BAG4: variants seen among roughly 807,000 people sequenced by gnomAD.
BAG4 encodes BAG family molecular chaperone regulator 4.
A neutral mutation model predicts 52.1 loss-of-function variants in BAG4; 28 were observed. That is an observed-to-expected ratio of 0.54 (90% CI 0.40 to 0.74). BAG4 has a LOEUF of 0.74. Among genes scored for constraint, BAG4 ranks in the 30% least tolerant of loss-of-function variants. The pLI, the probability that BAG4 is intolerant of heterozygous loss-of-function variation, is 0.00. For synonymous variants in BAG4, 208 were observed against 217.0 expected (o/e 0.96, Z 0.37); for missense variants, 525 against 572.0 (o/e 0.92, Z 0.84).
At chr8:38,192,853 A>T in intron 2 of BAG4, 58 bp downstream of exon 2, 1 of 1,361,264 alleles carries the variant, frequency 7.3e-7, no homozygotes. Context: ...ATTTATTTTC[A>T]AAACCTGTGC....
chr8:38,180,484 C>G (rs1250840660), intron 1 of BAG4, among the ~76,000 whole-genome samples: 2 of 137,838 alleles, frequency 1.5e-5, no homozygotes, highest in Non-Finnish European at 1.5e-5. Flanking sequence ...GATCATGCCA[C>G]TGCACCCCAG....
intron 1 of BAG4, among the ~76,000 whole-genome samples, chr8:38,189,559 T>C (rs557038810): frequency 2.0e-5 from 3 of 152,350 alleles, no homozygotes; most frequent in East Asian, 3.9e-4. Context: ...TATTTCTTGC[T>C]CAGGTTCTGT....
chr8:38,178,901 G>A (rs770292220), intron 1 of BAG4, among the ~76,000 whole-genome samples: 14 of 152,146 alleles, frequency 9.2e-5, no homozygotes, highest in Non-Finnish European at 1.5e-4. Flanking sequence ...TTGAGTTGCC[G>A]AGGCTGGAGG....
chr8:38,204,505 G>A (rs1227934702), intron 2 of BAG4, among the ~76,000 whole-genome samples: 1 of 151,282 alleles, frequency 6.6e-6, no homozygotes, highest in African/African-American at 2.4e-5. Flanking sequence ...GGTGTCTTGG[G>A]GAGAAAAAAA....
chr8:38,210,574 T>G lies in BAG4; in HGVS notation c.*81T>G. The G allele has an allele frequency of 6.8e-7, 1 of 1,464,524 alleles. No individual in the cohort carries two copies. The highest frequency in any genetic ancestry group is 2.4e-5 in the Admixed American group (1 of 41,022). 90.7% of individuals were successfully genotyped at this position (1,464,524 alleles called of 1,614,324 possible). ...TTGGTTAATTACCCTCTTTTTGAAA[T>G]GCCTGTTGATGACAAGAAGCAATAC... On this transcript the variant is annotated 3_prime_UTR_variant, in exon 5 of 5. Coordinates refer to ENST00000287322, the MANE Select transcript of BAG4 (RefSeq NM_004874.4).
At chr8:38,201,544 C>G (rs1225989912) in intron 2 of BAG4, among the ~76,000 whole-genome samples, 1 of 151,936 alleles carries the variant, frequency 6.6e-6, no homozygotes, top group South Asian at 2.1e-4. Context: ...CTCAGGTGAT[C>G]CTTCTACCTC....
At chr8:38,181,064 C>T (rs988967921) in intron 1 of BAG4, among the ~76,000 whole-genome samples, 1 of 151,886 alleles carries the variant, frequency 6.6e-6, no homozygotes, top group Admixed American at 6.6e-5. Context: ...CCTCAGCCTC[C>T]CGAGTAGCTG....
chr8:38,190,092 G>GT (rs1303804026), intron 1 of BAG4, among the ~76,000 whole-genome samples: 1 of 152,048 alleles, frequency 6.6e-6, no homozygotes, highest in Non-Finnish European at 1.5e-5. Context: ...GCCAAATTAT[G>GT]TTTTTTACTT....
At chr8:38,209,624 C>G (rs925798540) in intron 4 of BAG4, 4 of 365,236 alleles carry the variant, frequency 1.1e-5, no homozygotes, top group African/African-American at 8.4e-5. Flanking sequence ...GTATTTAAAC[C>G]ACAGACTTGA....
chr8:38,199,307 A>G (rs1413371630), intron 2 of BAG4, among the ~76,000 whole-genome samples: 1 of 152,210 alleles, frequency 6.6e-6, no homozygotes, highest in East Asian at 1.9e-4. Context: ...TGACTGAAAC[A>G]TAGTTATGCA....
chr8:38,211,950 C>G lies in BAG4; in HGVS notation c.*1457C>G, dbSNP rs530862761. On this transcript the variant is annotated 3_prime_UTR_variant, in exon 5 of 5. Transcript: ENST00000287322. ...AAGTGATAATTTTTTTTCCCCTAGACTGTCAGGCCTATGAGTAAATACTAA... is the reference window on the plus strand; with the variant it reads ...AAGTGATAATTTTTTTTCCCCTAGAGTGTCAGGCCTATGAGTAAATACTAA... 11 of 152,140 alleles carry G rather than the reference C, an allele frequency of 7.2e-5. No individual in the cohort carries two copies. In the South Asian group the frequency reaches 2.3e-3, roughly 32 times the overall value. The allele number at this position is 152,140 out of a possible 1,614,324, so 9.4% of individuals were successfully genotyped here. A position where few individuals can be genotyped will look rare whatever the true frequency, so the allele number is the denominator to read the frequency against.
intron 2 of BAG4, among the ~76,000 whole-genome samples, chr8:38,197,967 C>G (rs920219589): frequency 6.6e-6 from 1 of 151,954 alleles, no homozygotes; most frequent in Non-Finnish European, 1.5e-5. Context: ...CCCAAAGTGC[C>G]GGGATTATAG....
rs1803822333 is a variant in BAG4 at position 38,208,991 on chromosome 8, ATATT to A, written c.634-20_634-17del. ...TTATAAGTTTTTCACAATGACTGGT[ATATT>A]TCTTCTTCTCAATCTAGAACCCTGG... On this transcript the variant is annotated intron_variant, in intron 3 of 4. Transcript: ENST00000287322. The A allele has an allele frequency of 6.3e-7, 1 of 1,599,938 alleles. No homozygotes were observed. Among genetic ancestry groups the A allele is most frequent in the African/African-American group, 1.3e-5 (1 of 74,316 alleles).
chr8:38,203,525 C>T (rs1356889156), intron 2 of BAG4, among the ~76,000 whole-genome samples: 6 of 152,038 alleles, frequency 3.9e-5, no homozygotes, highest in Admixed American at 6.6e-5. Flanking sequence ...CCTCGTGATC[C>T]GCCCACCTTG....
chr8:38,180,343 C>T (rs569349593), intron 1 of BAG4, among the ~76,000 whole-genome samples: 58 of 151,580 alleles, frequency 3.8e-4, no homozygotes, highest in Admixed American at 3.4e-3. Context: ...GTCAACATGG[C>T]GAAACCCCAC....
chr8:38,191,273 C>T (rs1803469094), intron 1 of BAG4, among the ~76,000 whole-genome samples: 1 of 151,960 alleles, frequency 6.6e-6, no homozygotes, highest in South Asian at 2.1e-4. Context: ...CAAACAGTAC[C>T]AACAGTGTTG....
At chr8:38,182,104 T>C (rs1223109470) in intron 1 of BAG4, among the ~76,000 whole-genome samples, 1 of 152,048 alleles carries the variant, frequency 6.6e-6, no homozygotes. Context: ...GTGGTAAATG[T>C]TTGAACCAGA....
chr8:38,199,218 C>T (rs1424115703), intron 2 of BAG4, among the ~76,000 whole-genome samples: 1 of 152,212 alleles, frequency 6.6e-6, no homozygotes, highest in Non-Finnish European at 1.5e-5. Context: ...CATATGACAG[C>T]TACACTGTTG....
intron 2 of BAG4, among the ~76,000 whole-genome samples, chr8:38,204,755 C>T (rs1020727096): frequency 1.3e-5 from 2 of 151,920 alleles, no homozygotes; most frequent in African/African-American, 4.8e-5. Flanking sequence ...AACATGAACC[C>T]ATCTATTGGT....
Sources: gnomAD v4.1 joint callset for allele counts (sites outside exome capture counted in the v4.1 genomes callset) on GRCh38, gnomAD v4.1.1 for gene constraint, MANE v1.5 for transcripts, NCBI Gene and HGNC (gene_info 2026-07-23, HGNC 2026-07-21) for gene names.